The following TMEFF2 variants were observed in gnomAD, a reference collection of about 807,000 sequenced individuals.
TMEFF2 encodes transmembrane protein with EGF like and two follistatin like domains 2.
A neutral mutation model predicts 53.8 loss-of-function variants in TMEFF2; 28 were observed. The ratio of observed to expected loss-of-function variants is 0.52; its 90% CI spans 0.39 to 0.71. The LOEUF (loss-of-function observed/expected upper bound fraction) is 0.71, where lower values mean the gene tolerates loss of function less well. TMEFF2 is among the 30% of genes least tolerant of loss of function. The pLI is 0.00. For synonymous variants in TMEFF2, 162 were observed against 166.3 expected, an observed-to-expected ratio of 0.97 and a Z score of 0.20; for missense variants, 353 against 455.2, an observed-to-expected ratio of 0.78 and a Z score of 2.04.
chr2:192,121,662 C>T (rs114724862), intron 4 of TMEFF2, among the ~76,000 whole-genome samples: 170 of 152,298 alleles, frequency 1.1e-3, no homozygotes, highest in African/African-American at 4.1e-3. Context: ...TTTAGGATCA[C>T]ACCTGAATAG....
At chr2:192,000,608 A>G (rs1686331614) in intron 5 of TMEFF2, among the ~76,000 whole-genome samples, 1 of 152,124 alleles carries the variant, frequency 6.6e-6, no homozygotes, top group African/African-American at 2.4e-5. Flanking sequence ...ACCAGACTCA[A>G]TTCCTGGGAA....
At chr2:192,123,629 C>T (rs1430964927) in intron 4 of TMEFF2, among the ~76,000 whole-genome samples, 2 of 152,200 alleles carry the variant, frequency 1.3e-5, no homozygotes. Context: ...TATTCCACTA[C>T]AACCCAACAT....
intron 4 of TMEFF2, among the ~76,000 whole-genome samples, chr2:192,070,991 T>G (rs1427324689): frequency 2.7e-5 from 4 of 150,834 alleles, no homozygotes; most frequent in African/African-American, 9.7e-5. Flanking sequence ...CTTCAGGGTA[T>G]AGCATGTAAT....
chr2:192,157,336 T>C (rs1478959045), intron 4 of TMEFF2, among the ~76,000 whole-genome samples: 1 of 152,052 alleles, frequency 6.6e-6, no homozygotes, highest in Non-Finnish European at 1.5e-5. Context: ...CTCTGAATCT[T>C]AGTTTTCTCA....
At chr2:192,172,036 A>G (rs1005660550) in intron 4 of TMEFF2, among the ~76,000 whole-genome samples, 4 of 151,968 alleles carry the variant, frequency 2.6e-5, no homozygotes, top group Admixed American at 6.6e-5. Context: ...CTCCAGGTCC[A>G]GTCTGCAGCT....
At chr2:192,113,984 A>G (rs1261876964) in intron 4 of TMEFF2, among the ~76,000 whole-genome samples, 1 of 152,126 alleles carries the variant, frequency 6.6e-6, no homozygotes, top group East Asian at 1.9e-4. Flanking sequence ...TGCTTTAATA[A>G]CATTGACAAT....
intron 4 of TMEFF2, among the ~76,000 whole-genome samples, chr2:192,081,400 G>A (rs1688549351): frequency 6.6e-6 from 1 of 152,208 alleles, no homozygotes; most frequent in Non-Finnish European, 1.5e-5. Context: ...CGAGCTGGAA[G>A]TAATTTCTTT....
intron 7 of TMEFF2, among the ~76,000 whole-genome samples, chr2:191,965,385 A>G (rs1446846705): frequency 6.6e-6 from 1 of 152,168 alleles, no homozygotes; most frequent in Admixed American, 6.5e-5. Flanking sequence ...CTATTTCTCT[A>G]CATTTCTACT....
intron 4 of TMEFF2, among the ~76,000 whole-genome samples, chr2:192,137,865 C>A (rs113022142): frequency 6.6e-6 from 1 of 150,988 alleles, no homozygotes; most frequent in South Asian, 2.1e-4. Context: ...TGCAGTGGTG[C>A]GATCTAGGCT....
At chr2:192,011,837 T>G (rs1395675644) in intron 5 of TMEFF2, among the ~76,000 whole-genome samples, 1 of 152,224 alleles carries the variant, frequency 6.6e-6, no homozygotes, top group East Asian at 1.9e-4. Context: ...TCTTCTATTT[T>G]AAGCAAGCTC....
chr2:192,190,756 T>C lies in TMEFF2; in HGVS notation c.282+1124A>G, dbSNP rs531902455. Among the ~76,000 whole-genome samples, 17 of 151,890 alleles carry C rather than the reference T, an allele frequency of 1.1e-4. No individual in the cohort carries two copies. The South Asian group carries it at 2.7e-3, about 24-fold the overall frequency. On this transcript the variant is annotated intron_variant, in intron 2 of 9. Coordinates refer to ENST00000272771, the MANE Select transcript of TMEFF2 (RefSeq NM_016192.4). ...CACTTAAACTTTATTTAAATGTGAA[T>C]TCTCTTCTCTTTCTTAGTGGGAGGT...
intron 7 of TMEFF2, among the ~76,000 whole-genome samples, chr2:191,985,900 G>C (rs1000578264): frequency 6.6e-6 from 1 of 152,152 alleles, no homozygotes; most frequent in African/African-American, 2.4e-5. Context: ...TCTGTTACTT[G>C]GAGCCACCTA....
chr2:192,027,181 T>A (rs920459485), intron 5 of TMEFF2, among the ~76,000 whole-genome samples: 2 of 152,136 alleles, frequency 1.3e-5, no homozygotes, highest in African/African-American at 4.8e-5. Flanking sequence ...AAAATAAGGA[T>A]CTGAAATAAT....
At chr2:192,063,247 T>G (rs1330928940) in intron 4 of TMEFF2, among the ~76,000 whole-genome samples, 1 of 151,936 alleles carries the variant, frequency 6.6e-6, no homozygotes, top group Non-Finnish European at 1.5e-5. Flanking sequence ...TGTGTTTTCA[T>G]GTATTTCTGT....
intron 5 of TMEFF2, among the ~76,000 whole-genome samples, chr2:192,034,513 G>T: frequency 6.6e-6 from 1 of 152,162 alleles, no homozygotes; most frequent in Middle Eastern, 3.4e-3. Context: ...CTCTACATTG[G>T]TAGGTCCTAT....
intron 5 of TMEFF2, among the ~76,000 whole-genome samples, chr2:192,014,275 G>A (rs908579285): frequency 3.9e-5 from 6 of 152,056 alleles, no homozygotes; most frequent in African/African-American, 1.4e-4. Flanking sequence ...CAATGTGAAC[G>A]GTAAAGGTCC....
chr2:192,024,617 C>T (rs148796754), intron 5 of TMEFF2, among the ~76,000 whole-genome samples: 11 of 152,262 alleles, frequency 7.2e-5, no homozygotes, highest in Admixed American at 2.6e-4. Context: ...TATATACTCG[C>T]GGAGTACATA....
intron 5 of TMEFF2, among the ~76,000 whole-genome samples, chr2:192,011,833 A>T (rs1307262202): frequency 2.0e-5 from 3 of 152,146 alleles, no homozygotes; most frequent in Non-Finnish European, 2.9e-5. Flanking sequence ...TCAGTCTTCT[A>T]TTTTAAGCAA....
chr2:192,085,339 G>A (rs972996117), intron 4 of TMEFF2, among the ~76,000 whole-genome samples: 1 of 152,076 alleles, frequency 6.6e-6, no homozygotes, highest in Non-Finnish European at 1.5e-5. Flanking sequence ...GCTGGGGAGA[G>A]GCAGCACATT....
Sources: gnomAD v4.1 joint callset for allele counts (sites outside exome capture counted in the v4.1 genomes callset) on GRCh38, gnomAD v4.1.1 for gene constraint, MANE v1.5 for transcripts, NCBI Gene and HGNC (gene_info 2026-07-23, HGNC 2026-07-21) for gene names.